The following APPL1 variants were observed in gnomAD, a reference collection of about 807,000 sequenced individuals.
APPL1 encodes the protein adaptor protein, phosphotyrosine interacting with PH domain and leucine zipper 1.
A neutral mutation model predicts 106.8 loss-of-function variants in APPL1; 42 were observed. The observed-to-expected ratio is 0.39, with a 90% confidence interval of 0.31 to 0.51. APPL1 has a LOEUF of 0.51. Ranked by LOEUF, APPL1 falls within the 20% of genes least tolerant of loss-of-function variation. The probability of loss-of-function intolerance (pLI) is 0.75; values close to 1 mark genes in which losing one functional copy is unlikely to be tolerated. For missense variants in APPL1, 769 were observed against 858.2 expected (o/e 0.90, Z 1.30); for synonymous variants, 263 against 281.8 (o/e 0.93, Z 0.67).
Position 57,240,544 on chromosome 3 carries a change from A to G in APPL1, c.365A>G (p.Asp122Gly). ...CCCATTACCCAGTTTAAAGAAAGAG[A>G]TCTGAAAGGTATTGAAGTCAAGCTT... ...MFPITQFKER[D>G]LKEILTLKEV... The change falls in exon 5 of 22, where the codon GAT (aspartate) becomes GGT (glycine). Residue 122 changes from aspartate (D) to glycine (G), a missense_variant. Transcript: ENST00000288266. 6.2e-7 allele frequency: 1 copy of G among 1,613,316 alleles called. No individual in the cohort carries two copies. Among genetic ancestry groups the G allele is most frequent in the South Asian group, 1.1e-5 (1 of 91,072 alleles).
At chr3:57,230,664 TA>T in intron 1 of APPL1, 2 of 363,144 alleles carry the variant, frequency 5.5e-6, no homozygotes, top group South Asian at 4.2e-5. Flanking sequence ...GGGCTGAGAT[TA>T]ATGCTTTGGA....
At chr3:57,257,151 A>T in intron 14 of APPL1, 95 bp from the exon 15 acceptor site, 1 of 1,555,738 alleles carries the variant, frequency 6.4e-7, no homozygotes, top group Non-Finnish European at 8.8e-7. Flanking sequence ...CTTCTCATTG[A>T]CTTATAATAT....
At chr3:57,251,054 G>T (rs978710397) in intron 11 of APPL1, among the ~76,000 whole-genome samples, 1 of 148,992 alleles carries the variant, frequency 6.7e-6, no homozygotes, top group African/African-American at 2.4e-5. Context: ...TGATCCGCCC[G>T]CCTCGGCCTC....
intron 5 of APPL1, 136 bp downstream of exon 5, chr3:57,240,688 T>TA: frequency 2.9e-6 from 2 of 681,350 alleles, no homozygotes; most frequent in Non-Finnish European, 5.0e-6. Flanking sequence ...CAAACATTTA[T>TA]AGGAGCTCCT....
intron 4 of APPL1, among the ~76,000 whole-genome samples, chr3:57,239,063 T>C (rs1032271345): frequency 2.0e-5 from 3 of 152,160 alleles, no homozygotes; most frequent in African/African-American, 7.2e-5. Context: ...ACATCTTACA[T>C]GGCGGCAGAT....
At chr3:57,244,416 A>G (rs1009838424) in intron 7 of APPL1, among the ~76,000 whole-genome samples, 1 of 152,172 alleles carries the variant, frequency 6.6e-6, no homozygotes, top group Non-Finnish European at 1.5e-5. Flanking sequence ...TCGGCCTCCC[A>G]AAGTGCTGGG....
In APPL1 at chr3:57,260,779, A is replaced by G. The variant is rs372921100; in HGVS notation, c.1842+5A>G. 1.2e-5 allele frequency: 19 copies of G among 1,601,582 alleles called. No homozygotes were observed. In the African/African-American group the frequency reaches 2.3e-4, roughly 19 times the overall value. ...TCAAACAATGAGGGGGAAAAGGTAC[A>G]TGGCTTTTCAGAATATCTCTGTCAT... On this transcript the variant is annotated splice_donor_5th_base_variant and intron_variant, in intron 19 of 21. Coordinates refer to ENST00000288266, the MANE Select transcript of APPL1 (RefSeq NM_012096.3).
At chr3:57,256,112 G>A (rs1012523466) in intron 13 of APPL1, among the ~76,000 whole-genome samples, 10 of 152,126 alleles carry the variant, frequency 6.6e-5, no homozygotes, top group Admixed American at 2.0e-4. Flanking sequence ...AGGAGGCTGA[G>A]GGGGGAGGAT....
intron 14 of APPL1, 94 bp from the exon 15 acceptor site, chr3:57,257,152 C>G: frequency 6.4e-7 from 1 of 1,553,806 alleles, no homozygotes; most frequent in Non-Finnish European, 8.8e-7. Flanking sequence ...TTCTCATTGA[C>G]TTATAATATT....
intron 1 of APPL1, among the ~76,000 whole-genome samples, chr3:57,234,338 C>T (rs1318849462): frequency 7.0e-6 from 1 of 141,870 alleles, no homozygotes; most frequent in Non-Finnish European, 1.5e-5. Flanking sequence ...CCCTCTATTG[C>T]CCAAGCTGGA....
chr3:57,266,773 G>A (rs1280618436), intron 19 of APPL1, among the ~76,000 whole-genome samples: 1 of 152,104 alleles, frequency 6.6e-6, no homozygotes, highest in Non-Finnish European at 1.5e-5. Context: ...TTTGTGTATG[G>A]TGAGAGGGAG....
At chr3:57,234,321 G>A (rs1383802477) in intron 1 of APPL1, among the ~76,000 whole-genome samples, 2 of 132,832 alleles carry the variant, frequency 1.5e-5, no homozygotes, top group Non-Finnish European at 3.1e-5. Flanking sequence ...TTTTTGAGAC[G>A]GAGTCTCCCT....
At chr3:57,238,649 C>T (rs139941584) in intron 4 of APPL1, among the ~76,000 whole-genome samples, 27 of 152,152 alleles carry the variant, frequency 1.8e-4, no homozygotes, top group African/African-American at 5.3e-4. Context: ...ATGGACCATT[C>T]GATAGTCCTG....
intron 4 of APPL1, among the ~76,000 whole-genome samples, chr3:57,238,408 C>T (rs1333923001): frequency 6.6e-6 from 1 of 152,222 alleles, no homozygotes. Flanking sequence ...TAGTGAACTG[C>T]ATCTGGGTTC....
At chr3:57,256,562 A>G (rs2060837567) in intron 13 of APPL1, among the ~76,000 whole-genome samples, 1 of 152,230 alleles carries the variant, frequency 6.6e-6, no homozygotes, top group Non-Finnish European at 1.5e-5. Flanking sequence ...TTATTCAACA[A>G]ATGTATCGAT....
intron 1 of APPL1, among the ~76,000 whole-genome samples, chr3:57,234,713 T>C (rs942878314): frequency 1.3e-5 from 2 of 152,224 alleles, no homozygotes; most frequent in East Asian, 3.9e-4. Context: ...TGAAGTGCAG[T>C]GGCGTGATCT....
intron 7 of APPL1, among the ~76,000 whole-genome samples, chr3:57,245,217 TAAGGA>T (rs1350707545): frequency 6.6e-6 from 1 of 152,172 alleles, no homozygotes; most frequent in African/African-American, 2.4e-5. Context: ...TTGAGGATTC[TAAGGA>T]AAGCAGGAAG....
chr3:57,247,386 A>G lies in APPL1; in HGVS notation c.622-9A>G, dbSNP rs1024816969. ...TATTGTTCAATTCCCCCCACTCCCC[A>G]CTCTCCAGATAAGTTTCTTTAAGAT... On this transcript the variant is annotated splice_polypyrimidine_tract_variant and intron_variant, in intron 8 of 21. Coordinates refer to ENST00000288266, the MANE Select transcript of APPL1 (RefSeq NM_012096.3). 3 of 1,567,740 alleles carry G rather than the reference A, an allele frequency of 1.9e-6. No individual in the cohort carries two copies. The highest frequency in any genetic ancestry group is 2.6e-6 in the Non-Finnish European group (3 of 1,141,946).
intron 7 of APPL1, among the ~76,000 whole-genome samples, chr3:57,244,245 TC>T (rs929923186): frequency 6.6e-6 from 1 of 151,578 alleles, no homozygotes; most frequent in Non-Finnish European, 1.5e-5. Context: ...AACCTCCGCC[TC>T]CTGGGTTCAA....
Sources: gnomAD v4.1 joint callset for allele counts (sites outside exome capture counted in the v4.1 genomes callset) on GRCh38, gnomAD v4.1.1 for gene constraint, MANE v1.5 for transcripts, NCBI Gene and HGNC (gene_info 2026-07-23, HGNC 2026-07-21) for gene names.